SENP3: variants seen among roughly 807,000 people sequenced by gnomAD.
The protein encoded by SENP3 is SUMO specific peptidase 3, also known as sentrin-specific protease 3.
Under a neutral mutation model 66.2 loss-of-function variants are expected in SENP3, and 11 were observed. The ratio of observed to expected loss-of-function variants is 0.17; its 90% CI spans 0.10 to 0.28. The LOEUF (loss-of-function observed/expected upper bound fraction) is 0.28. Among genes scored for constraint, SENP3 ranks in the 10% least tolerant of loss-of-function variants. SENP3 has a pLI of 1.00. For synonymous variants in SENP3, 292 were observed against 277.6 expected, an observed-to-expected ratio of 1.05 and a Z score of -0.52; for missense variants, 548 against 743.7, an observed-to-expected ratio of 0.74 and a Z score of 3.06.
intron 6 of SENP3, chr17:7,566,090 C>G (rs2071265436): frequency 4.5e-6 from 1 of 222,430 alleles, no homozygotes; most frequent in Non-Finnish European, 9.1e-6. Flanking sequence ...GCCTGTAATC[C>G]CAGCACTCTG....
At chr17:7,567,766 G>A (rs2071279339) in intron 7 of SENP3, among the ~76,000 whole-genome samples, 1 of 152,178 alleles carries the variant, frequency 6.6e-6, no homozygotes, top group South Asian at 2.1e-4. Context: ...TTCGGTCAGA[G>A]AGTAGATCAT....
intron 6 of SENP3, among the ~76,000 whole-genome samples, chr17:7,566,717 A>G (rs1179047102): frequency 6.6e-6 from 1 of 151,682 alleles, no homozygotes; most frequent in Non-Finnish European, 1.5e-5. Flanking sequence ...TATAATCTCA[A>G]TGCTCTGGAA....
intron 7 of SENP3, among the ~76,000 whole-genome samples, chr17:7,568,834 T>C (rs1172950745): frequency 6.6e-6 from 1 of 152,200 alleles, no homozygotes; most frequent in African/African-American, 2.4e-5. Context: ...ATCTAACCAG[T>C]TGGTGAGAAA....
At position 7,566,998 on chromosome 17, in the gene SENP3, CA is replaced by C; in HGVS notation, c.1340del (p.Asn447ThrfsTer11). 1.3e-6 allele frequency: 2 copies of C among 1,559,910 alleles called. No homozygotes were observed. Among genetic ancestry groups the C allele is most frequent in the African/African-American group, 1.4e-5 (1 of 73,718 alleles). ...GTTATGATGGGGTGAAAAGGTGGAC[CA>C]AAAACGTGAGTTTTGAATTCACATC... ...KGYDGVKRWT[K>X]NVDIFNKELL... On this transcript the variant is annotated frameshift_variant, in exon 7 of 11. Coordinates refer to ENST00000321337, the MANE Select transcript of SENP3 (RefSeq NM_015670.6). LOFTEE classifies it high-confidence loss of function.
chr17:7,568,596 A>G (rs2071286468), intron 7 of SENP3, among the ~76,000 whole-genome samples: 1 of 151,424 alleles, frequency 6.6e-6, no homozygotes, highest in African/African-American at 2.4e-5. Flanking sequence ...CTCAAAAAAG[A>G]AAAAAAAACC....
Position 7,565,311 on chromosome 17 carries a change from C to T in SENP3, c.1068-129C>T. 3.5e-6 allele frequency: 4 copies of T among 1,132,770 alleles called. No homozygotes were observed. The South Asian group carries it at 5.9e-5, about 17-fold the overall frequency. 70.2% of individuals were successfully genotyped at this position (1,132,770 alleles called of 1,614,324 possible). A position where few individuals can be genotyped will look rare whatever the true frequency, so the allele number is the denominator to read the frequency against. On this transcript the variant is annotated intron_variant, in intron 4 of 10. Transcript: ENST00000321337. The stretch of plus-strand genomic sequence containing the variant: ...TCTGGGGAGTGGGCCTTTCGCAGGT[C>T]CTCAGAAGGACCCATCATGAGCCAG...
intron 7 of SENP3, among the ~76,000 whole-genome samples, chr17:7,569,302 A>G (rs2071292815): frequency 6.7e-6 from 1 of 149,584 alleles, no homozygotes; most frequent in Non-Finnish European, 1.5e-5. Flanking sequence ...GGAGAATGGC[A>G]TGAACCCAGG....
intron 6 of SENP3, 53 bp from the exon 7 acceptor site, chr17:7,566,874 G>C (rs371139304): frequency 2.6e-5 from 33 of 1,276,916 alleles, no homozygotes; most frequent in Non-Finnish European, 3.7e-5. Context: ...AGACTTAGTG[G>C]GAGAGTCTGA....
Position 7,561,984 on chromosome 17 carries a change from G to A in SENP3, c.-291G>A, listed in dbSNP as rs577777709. On this transcript the variant is annotated 5_prime_UTR_variant, in exon 1 of 11. Coordinates refer to ENST00000321337, the MANE Select transcript of SENP3 (RefSeq NM_015670.6). The surrounding 1 kb of genome is among the most constrained non-coding windows in gnomAD (Gnocchi z 4.4). ...GGGCTCGCGGGAGGGGAAGGAGGAG[G>A]GGGGGAGGAGTGGCGGCGGCGGCGG... 3.8e-5 allele frequency: 15 copies of A among 398,694 alleles called. No individual in the cohort carries two copies. The highest frequency in any genetic ancestry group is 6.2e-5 in the Non-Finnish European group (14 of 226,188). The allele number at this position is 398,694 out of a possible 1,614,324, so 24.7% of individuals were successfully genotyped here. A position where few individuals can be genotyped will look rare whatever the true frequency, so the allele number is the denominator to read the frequency against.
chr17:7,570,569 C>T lies in SENP3; in HGVS notation c.1479+76C>T. On this transcript the variant is annotated intron_variant, in intron 8 of 10. Coordinates refer to ENST00000321337, the MANE Select transcript of SENP3 (RefSeq NM_015670.6). This position sits in a 1 kb window ranked among gnomAD's most constrained non-coding sequence, Gnocchi z 5.4. Reference sequence around the variant, plus strand: ...AAGGCATTGCAGGAAGAAGGGTGGGCTTTGGGTCTTTGAGGGGCGACCTGG... The same window carrying T: ...AAGGCATTGCAGGAAGAAGGGTGGGTTTTGGGTCTTTGAGGGGCGACCTGG... 4 of 1,572,216 alleles carry T rather than the reference C, an allele frequency of 2.5e-6. No homozygotes were observed. Among genetic ancestry groups the T allele is most frequent in the Non-Finnish European group, 3.5e-6 (4 of 1,156,340 alleles).
In SENP3 at chr17:7,562,078, G is replaced by C. The variant is rs1295846269; in HGVS notation, c.-197G>C. 5 of 398,642 alleles carry C rather than the reference G, an allele frequency of 1.3e-5. No homozygotes were observed. Among genetic ancestry groups the C allele is most frequent in the Admixed American group, 4.4e-5 (1 of 22,682 alleles). The allele number at this position is 398,642 out of a possible 1,614,324, so 24.7% of individuals were successfully genotyped here. A position where few individuals can be genotyped will look rare whatever the true frequency, so the allele number is the denominator to read the frequency against. On this transcript the variant is annotated 5_prime_UTR_variant, in exon 1 of 11. Transcript: ENST00000321337. This position sits in a 1 kb window ranked among gnomAD's most constrained non-coding sequence, Gnocchi z 5.0. ...AGCTGAAGCTGAAGCAGAGCCAGAG[G>C]CGGCGCGGCGGGGTGCTCGGCGGCG...
intron 6 of SENP3, among the ~76,000 whole-genome samples, chr17:7,566,499 TA>T (rs1389711404): frequency 2.0e-5 from 3 of 150,832 alleles, no homozygotes; most frequent in Non-Finnish European, 3.0e-5. Context: ...CAACTAAAAA[TA>T]TAAAAATACA....
At position 7,562,629 on chromosome 17, in the gene SENP3, G is replaced by A. The variant is rs1374876064; in HGVS notation, c.-12+366G>A. 2.0e-5 allele frequency among the ~76,000 whole-genome samples: 3 copies of A among 152,204 alleles called. No homozygotes were observed. The highest frequency in any genetic ancestry group is 6.5e-5 in the Admixed American group (1 of 15,286). On this transcript the variant is annotated intron_variant, in intron 1 of 10. Coordinates refer to ENST00000321337, the MANE Select transcript of SENP3 (RefSeq NM_015670.6). This position sits in a 1 kb window ranked among gnomAD's most constrained non-coding sequence, Gnocchi z 5.0. ...CCCATGCCCCCCGTTCATCCAGGGT[G>A]TTAGAGAACTGTCTCCCATTCCAGT...
At position 7,565,023 on chromosome 17, in the gene SENP3, A is replaced by G. The variant is rs190437417; in HGVS notation, c.1020A>G (p.Val340=). ...SLIPLSTDEV[V]EKLEDIFQQE... ...TACCCCTCAGCACTGATGAGGTAGT[A>G]GAGAAGCTGGAGGACATTTTCCAGC... The change falls in exon 4 of 11, where the codon GTA becomes GTG. Residue 340 remains valine, a synonymous_variant. Transcript: ENST00000321337. 85 of 1,613,834 alleles carry G rather than the reference A, an allele frequency of 5.3e-5. No individual in the cohort carries two copies. The East Asian group carries it at 1.7e-3, about 33-fold the overall frequency.
chr17:7,566,818 GAA>G, intron 6 of SENP3, 107 bp from the exon 7 acceptor site: 1 of 828,814 alleles, frequency 1.2e-6, no homozygotes, highest in East Asian at 2.7e-5. Context: ...AAAAAAAAAA[GAA>G]AAAACCCAGA....
chr17:7,563,827 G>T, intron 2 of SENP3, 36 bp downstream of exon 2: 1 of 1,477,026 alleles, frequency 6.8e-7, no homozygotes, highest in South Asian at 1.3e-5. Context: ...TGCGGGGGAG[G>T]GGTTAGGGAG....
chr17:7,564,531 G>T (rs769289317), intron 2 of SENP3, 94 bp from the exon 3 acceptor site: 1 of 1,522,694 alleles, frequency 6.6e-7, no homozygotes, highest in South Asian at 1.2e-5. Context: ...TCCTTCTTGC[G>T]GTCTTATTTG....
chr17:7,566,342 C>CAA (rs753219905), intron 6 of SENP3, among the ~76,000 whole-genome samples: 14 of 101,982 alleles, frequency 1.4e-4, no homozygotes, highest in African/African-American at 4.7e-4. Context: ...AATTCTGTCT[C>CAA]AAAAAAAAAA....
Position 7,562,365 on chromosome 17 carries a change from C to G in SENP3, c.-12+102C>G. The stretch of plus-strand genomic sequence containing the variant: ...GGCCCAGAGGCCCGCATAGGGGCTT[C>G]TTAAGGCCCGTGTGCGCCGAGCCAT... On this transcript the variant is annotated intron_variant, in intron 1 of 10. Transcript: ENST00000321337. This position sits in a 1 kb window ranked among gnomAD's most constrained non-coding sequence, Gnocchi z 5.0. 2.5e-6 allele frequency: 1 copy of G among 395,882 alleles called. No homozygotes were observed. The highest frequency in any genetic ancestry group is 1.4e-4 in the South Asian group (1 of 7,078). 24.5% of individuals were successfully genotyped at this position (395,882 alleles called of 1,614,324 possible).
Sources: gnomAD v4.1 joint callset for allele counts (sites outside exome capture counted in the v4.1 genomes callset) on GRCh38, gnomAD v4.1.1 for gene constraint, Gnocchi (gnomAD v3.1) non-coding constraint, MANE v1.5 for transcripts, NCBI Gene and HGNC (gene_info 2026-07-23, HGNC 2026-07-21) for gene names.